TDRD12: variants seen among roughly 807,000 people sequenced by gnomAD.
TDRD12 encodes tudor domain containing 12.
TDRD12 carries 158 observed loss-of-function variants against 133.5 expected under a neutral mutation model. The ratio of observed to expected loss-of-function variants is 1.18; its 90% CI spans 1.04 to 1.35. The LOEUF is 1.35. Among genes scored for constraint, TDRD12 ranks in the 40% most tolerant of loss-of-function variants. The pLI, the probability that TDRD12 is intolerant of heterozygous loss-of-function variation, is 0.00. For synonymous variants in TDRD12, 460 were observed against 477.9 expected (o/e 0.96, Z 0.49); for missense variants, 1,443 against 1,321.3 (o/e 1.09, Z -1.43).
intron 1 of TDRD12, among the ~76,000 whole-genome samples, chr19:32,721,768 C>T (rs1286971303): frequency 2.8e-5 from 4 of 144,632 alleles, no homozygotes; most frequent in Non-Finnish European, 4.5e-5. Flanking sequence ...AGTGCAGTGG[C>T]GCGATCTCAG....
chr19:32,720,177 C>G, intron 1 of TDRD12, 81 bp downstream of exon 1: 2 of 1,473,020 alleles, frequency 1.4e-6, no homozygotes, highest in Non-Finnish European at 9.1e-7. Flanking sequence ...CTCCCACCCC[C>G]ACCCCAGCTC....
intron 13 of TDRD12, among the ~76,000 whole-genome samples, chr19:32,793,661 G>A (rs867624372): frequency 6.6e-6 from 1 of 152,200 alleles, no homozygotes; most frequent in Non-Finnish European, 1.5e-5. Flanking sequence ...AGCTTTACAA[G>A]TGAAGCTGAT....
intron 25 of TDRD12, 146 bp from the exon 26 acceptor site, chr19:32,815,302 T>A (rs898007071): frequency 1.6e-6 from 1 of 637,862 alleles, no homozygotes; most frequent in Admixed American, 3.0e-5. Flanking sequence ...GATGCTGCCA[T>A]GGAAAGCCCT....
At chr19:32,826,625 GT>G (rs1967599112) in intron 9 of TDRD12, 27 bp downstream of exon 31, 1 of 1,235,194 alleles carries the variant, frequency 8.1e-7, no homozygotes, top group Admixed American at 4.1e-5. Flanking sequence ...TCAGCGGGTG[GT>G]CTTTACCCTG....
exon 22 of TDRD12, chr19:32,807,559 A>T: frequency 3.3e-6 from 5 of 1,527,666 alleles, no homozygotes; most frequent in Non-Finnish European, 4.4e-6. Context: ...AGACAAAAGG[A>T]TCTGTCCTGA....
At chr19:32,734,004 G>A (rs999556822) in intron 2 of TDRD12, among the ~76,000 whole-genome samples, 7 of 150,758 alleles carry the variant, frequency 4.6e-5, no homozygotes, top group Admixed American at 6.6e-5. Context: ...CCGTTCTCCC[G>A]CCTTAGCCTC....
intron 15 of TDRD12, 118 bp downstream of exon 15, chr19:32,798,009 C>A: frequency 1.7e-6 from 1 of 594,250 alleles, no homozygotes; most frequent in Non-Finnish European, 3.0e-6. Context: ...TGTGTGATGA[C>A]ACACTCACAG....
intron 11 of TDRD12, among the ~76,000 whole-genome samples, chr19:32,787,047 C>T (rs891722710): frequency 9.2e-5 from 14 of 152,170 alleles, no homozygotes; most frequent in African/African-American, 2.9e-4. Flanking sequence ...TCTGGTTTCT[C>T]CCCATCTTTG....
intron 8 of TDRD12, among the ~76,000 whole-genome samples, chr19:32,768,792 G>A (rs1970366889): frequency 6.6e-6 from 1 of 152,148 alleles, no homozygotes; most frequent in Non-Finnish European, 1.5e-5. Flanking sequence ...TTTCTGGATT[G>A]CAGATCAATT....
chr19:32,726,379 A>C (rs1968861876), intron 1 of TDRD12, among the ~76,000 whole-genome samples: 1 of 152,152 alleles, frequency 6.6e-6, no homozygotes, highest in South Asian at 2.1e-4. Context: ...ACACCCAGTC[A>C]AATACATTCA....
chr19:32,739,130 AGGG>A, intron 3 of TDRD12, 138 bp downstream of exon 3: 1 of 1,091,742 alleles, frequency 9.2e-7, no homozygotes, highest in Admixed American at 2.7e-5. Context: ...AGCTTCCAGA[AGGG>A]GTGCTTTCTG....
chr19:32,763,632 A>T (rs1256447063), intron 8 of TDRD12, among the ~76,000 whole-genome samples: 1 of 152,198 alleles, frequency 6.6e-6, no homozygotes, highest in African/African-American at 2.4e-5. Flanking sequence ...CTGTCGAAGC[A>T]CGAGATTTTC....
intron 3 of TDRD12, among the ~76,000 whole-genome samples, chr19:32,739,501 C>T (rs1969332071): frequency 6.8e-6 from 1 of 147,286 alleles, no homozygotes; most frequent in Non-Finnish European, 1.5e-5. Context: ...GCTCTTTCTG[C>T]ATCTCCTGGC....
rs200566524 is a variant in TDRD12, at chr19:32,790,510, C to G, written c.1122-21C>G. ...AAACAAACACCTTTTTCTTCACATT[C>G]TTCTTTTAACTATCTTACAGATTAC... On this transcript the variant is annotated intron_variant, in intron 11 of 27. Transcript: ENST00000444215. The G allele has an allele frequency of 7.4e-4, 1,141 of 1,547,376 alleles. 12 individuals carry two copies. Among genetic ancestry groups the G allele is most frequent in the South Asian group, 7.2e-3 (596 of 83,088 alleles).
intron 11 of TDRD12, among the ~76,000 whole-genome samples, chr19:32,777,803 A>C: frequency 1.0e-5 from 1 of 97,342 alleles, no homozygotes; most frequent in Non-Finnish European, 1.9e-5. Context: ...CACCACCATA[A>C]CTGATTTACA....
chr19:32,773,354 G>C (rs1970490511), intron 9 of TDRD12, 102 bp from the exon 10 acceptor site: 1 of 990,372 alleles, frequency 1.0e-6, no homozygotes, highest in African/African-American at 1.6e-5. Flanking sequence ...TGTCTGGGAT[G>C]GTTGTTCATG....
chr19:32,786,985 TC>T (rs1970926590), intron 11 of TDRD12, among the ~76,000 whole-genome samples: 1 of 152,214 alleles, frequency 6.6e-6, no homozygotes, highest in Non-Finnish European at 1.5e-5. Flanking sequence ...GGAGTTGTGT[TC>T]CTTTGGAGGA....
At chr19:32,794,992 A>C (rs1234118446) in intron 14 of TDRD12, among the ~76,000 whole-genome samples, 179 bp downstream of exon 14, 2 of 152,120 alleles carry the variant, frequency 1.3e-5, no homozygotes, top group Non-Finnish European at 2.9e-5. Context: ...TCTCATACTG[A>C]TTCTCACCTG....
intron 21 of TDRD12, among the ~76,000 whole-genome samples, chr19:32,806,175 A>G (rs561850590): frequency 6.6e-6 from 1 of 152,250 alleles, no homozygotes; most frequent in South Asian, 2.1e-4. Flanking sequence ...TCCAGACGCA[A>G]CACCACTGCG....
Sources: gnomAD v4.1 joint callset for allele counts (sites outside exome capture counted in the v4.1 genomes callset) on GRCh38, gnomAD v4.1.1 for gene constraint, MANE v1.5 for transcripts, NCBI Gene and HGNC (gene_info 2026-07-23, HGNC 2026-07-21) for gene names.